Variants in VWA3B observed in about 807,000 individuals in gnomAD.
VWA3B encodes von Willebrand factor A domain containing 3B, also known as von Willebrand factor A domain-containing protein 3B.
VWA3B carries 138 observed loss-of-function variants against 158.3 expected under a neutral mutation model. That is an observed-to-expected ratio of 0.87 (90% CI 0.76 to 1.00). The LOEUF (loss-of-function observed/expected upper bound fraction) is 1.00, where lower values mean the gene tolerates loss of function less well. Ranked by LOEUF, VWA3B falls within the 50% of genes least tolerant of loss-of-function variation. The pLI is 0.00. For missense variants in VWA3B, 1,555 were observed against 1,565.1 expected, an observed-to-expected ratio of 0.99 and a Z score of 0.11; for synonymous variants, 596 against 587.3, an observed-to-expected ratio of 1.01 and a Z score of -0.21.
intron 8 of VWA3B, among the ~76,000 whole-genome samples, chr2:98,178,921 A>G (rs1252557143): frequency 6.6e-6 from 1 of 152,206 alleles, no homozygotes; most frequent in Admixed American, 6.5e-5. Flanking sequence ...TTTCCCTGCC[A>G]GGAACCCCTT....
chr2:98,164,283 AATT>A (rs2105255629), intron 8 of VWA3B, among the ~76,000 whole-genome samples: 1 of 152,290 alleles, frequency 6.6e-6, no homozygotes, highest in South Asian at 2.1e-4. Flanking sequence ...ATTAAAAAGA[AATT>A]ATTAAAATCC....
At chr2:98,091,363 T>A (rs1320924246) in intron 1 of VWA3B, among the ~76,000 whole-genome samples, 1 of 152,202 alleles carries the variant, frequency 6.6e-6, no homozygotes, top group Non-Finnish European at 1.5e-5. Context: ...TGATATGGTA[T>A]GAAGAAGCTG....
intron 2 of VWA3B, 89 bp from the exon 3 acceptor site, chr2:98,115,563 A>G (rs1226319247): frequency 1.2e-5 from 11 of 920,552 alleles, no homozygotes; most frequent in African/African-American, 1.6e-5. Context: ...TATAATTTGA[A>G]TGGTGTCAGA....
intron 10 of VWA3B, among the ~76,000 whole-genome samples, chr2:98,188,666 C>G (rs534024313): frequency 6.6e-6 from 1 of 152,254 alleles, no homozygotes; most frequent in East Asian, 1.9e-4. Flanking sequence ...CTGCGAATGA[C>G]AGAATTTTAT....
intron 2 of VWA3B, among the ~76,000 whole-genome samples, chr2:98,095,387 G>T (rs1682643604): frequency 1.3e-5 from 2 of 151,976 alleles, no homozygotes; most frequent in Non-Finnish European, 2.9e-5. Context: ...GGTAGCTATT[G>T]TAAATGGAAT....
chr2:98,325,357 C>T, the VWA3B span, among the ~76,000 whole-genome samples: 2 of 152,032 alleles, frequency 1.3e-5, no homozygotes, highest in East Asian at 1.9e-4. Flanking sequence ...AAGGCGATGC[C>T]CCTGCAGTGG....
chr2:98,294,203 C>CAAAAAAA (rs751689571), intron 23 of VWA3B, among the ~76,000 whole-genome samples: 18 of 56,270 alleles, frequency 3.2e-4, no homozygotes, highest in African/African-American at 1.0e-3. Context: ...CACACACACA[C>CAAAAAAA]AAAAAAAAAA....
At chr2:98,115,860 C>A in intron 3 of VWA3B, 114 bp downstream of exon 3, 1 of 799,118 alleles carries the variant, frequency 1.3e-6, no homozygotes, top group Non-Finnish European at 2.0e-6. Flanking sequence ...CTGAGCCAAG[C>A]CCTTATTAGG....
rs752326555 is a variant in VWA3B, at chr2:98,270,681, G to A, written c.2844-1G>A. 6.2e-7 allele frequency: 1 copy of A among 1,608,216 alleles called. No individual in the cohort carries two copies. The highest frequency in any genetic ancestry group is 8.5e-7 in the Non-Finnish European group (1 of 1,176,882). On this transcript the variant is annotated splice_acceptor_variant, in intron 21 of 27. Coordinates refer to ENST00000477737, the MANE Select transcript of VWA3B (RefSeq NM_144992.5). LOFTEE classifies it high-confidence loss of function. ...TGTTTGTTTGTTTCTTTGTTTTTTAGGTTAGATGCAAACAAACCAATACAG... is the reference window on the plus strand; with the variant it reads ...TGTTTGTTTGTTTCTTTGTTTTTTAAGTTAGATGCAAACAAACCAATACAG...
At chr2:98,281,339 G>A (rs1325951592) in intron 22 of VWA3B, among the ~76,000 whole-genome samples, 1 of 152,170 alleles carries the variant, frequency 6.6e-6, no homozygotes, top group African/African-American at 2.4e-5. Flanking sequence ...AAGGGGAAAG[G>A]TCAGCACCTG....
At chr2:98,311,684 C>A in intron 26 of VWA3B, 135 bp from the exon 27 acceptor site, 1 of 1,055,694 alleles carries the variant, frequency 9.5e-7, no homozygotes, top group Non-Finnish European at 1.3e-6. Flanking sequence ...GGGTTCACAG[C>A]GCTCCAGAGA....
intron 19 of VWA3B, among the ~76,000 whole-genome samples, chr2:98,239,757 C>CA (rs1440655839): frequency 2.7e-5 from 4 of 150,860 alleles, no homozygotes; most frequent in East Asian, 1.9e-4. Context: ...ACTAAAAATA[C>CA]AAAAAAATTA....
At position 98,270,704 on chromosome 2, in the gene VWA3B, C is replaced by A; in HGVS notation, c.2866C>A (p.Gln956Lys). The change falls in exon 22 of 28, where the codon CAG (glutamine) becomes AAG (lysine). Residue 956 changes from glutamine to lysine, a missense_variant. Coordinates refer to ENST00000477737, the MANE Select transcript of VWA3B (RefSeq NM_144992.5). ...TAGGTTAGATGCAAACAAACCAATA[C>A]AGTACTTGGAAAACAAAACAGTTTT... ...KEKLDANKPI[Q>K]YLENKTVLNQ... 1 of 1,614,058 alleles carries A rather than the reference C, an allele frequency of 6.2e-7. No homozygotes were observed.
At position 98,133,692 on chromosome 2, in the gene VWA3B, A is replaced by C. The variant is rs1212682366; in HGVS notation, c.873-132A>C. ...TGTGGAATTGACAAGGTGCAGGAAGAAGCAGTGACCATGGCTAAGAAGATG... is the reference window on the plus strand; with the variant it reads ...TGTGGAATTGACAAGGTGCAGGAAGCAGCAGTGACCATGGCTAAGAAGATG... On this transcript the variant is annotated intron_variant, in intron 6 of 27. Coordinates refer to ENST00000477737, the MANE Select transcript of VWA3B (RefSeq NM_144992.5). The C allele has an allele frequency of 5.6e-6, 4 of 710,678 alleles. No homozygotes were observed. The Admixed American group carries it at 6.3e-5, about 11-fold the overall frequency. The allele number at this position is 710,678 out of a possible 1,614,324, so 44.0% of individuals were successfully genotyped here.
chr2:98,192,955 C>T lies in VWA3B; in HGVS notation c.1524C>T (p.Cys508=), dbSNP rs1681723585. 6.2e-7 allele frequency: 1 copy of T among 1,614,138 alleles called. No homozygotes were observed. The highest frequency in any genetic ancestry group is 1.7e-4 in the Middle Eastern group (1 of 6,060). Residue 508 remains cysteine (C), a synonymous_variant, in exon 11 of 28, where the codon TGC becomes TGT. Transcript: ENST00000477737. Reference sequence around the variant, plus strand: ...TCTTTGGAAGATTGCATAATGATTGCATCTACATTCTCATTGACACGTCTC... The same window carrying T: ...TCTTTGGAAGATTGCATAATGATTGTATCTACATTCTCATTGACACGTCTC... ...QSLFGRLHND[C]IYILIDTSHS...
intron 12 of VWA3B, among the ~76,000 whole-genome samples, chr2:98,200,113 C>T (rs1682401548): frequency 6.6e-6 from 1 of 152,166 alleles, no homozygotes; most frequent in Non-Finnish European, 1.5e-5. Flanking sequence ...TAACACTCGT[C>T]TTTTCATGCT....
Position 98,311,998 on chromosome 2 carries a change from A to G in VWA3B, c.3701A>G (p.His1234Arg). 1 of 1,603,304 alleles carries G rather than the reference A, an allele frequency of 6.2e-7. No individual in the cohort carries two copies. Among genetic ancestry groups the G allele is most frequent in the Non-Finnish European group, 8.5e-7 (1 of 1,174,858 alleles). The change falls in exon 27 of 28, where the codon CAT (histidine) becomes CGT (arginine). Residue 1234 changes from histidine (H) to arginine (R), a missense_variant. By Grantham distance (29) the His-to-Arg change is conservative. Transcript: ENST00000477737. Reference sequence around the variant, plus strand: ...GGCTCCTCCCACGGCATCAGCTCCCATGGGTCCTGCCAGGGGACACACCCC... The same window carrying G: ...GGCTCCTCCCACGGCATCAGCTCCCGTGGGTCCTGCCAGGGGACACACCCC... ...SDGSSHGISS[H>R]GSCQGTHPEP... is the part of the protein sequence containing the mutation.
chr2:98,157,507 T>G (rs1157272323), intron 7 of VWA3B, among the ~76,000 whole-genome samples: 1 of 152,230 alleles, frequency 6.6e-6, no homozygotes, highest in Non-Finnish European at 1.5e-5. Flanking sequence ...ATTCCCTTTA[T>G]GGATGCAATG....
Position 98,310,131 on chromosome 2 carries a change from C to A in VWA3B, c.3522-1688C>A, listed in dbSNP as rs558004676. Among the ~76,000 whole-genome samples, 28 of 152,306 alleles carry A rather than the reference C, an allele frequency of 1.8e-4. No individual in the cohort carries two copies. In the South Asian group the frequency reaches 5.2e-3, roughly 28 times the overall value. ...CAGTTGCTGAAAGTCTAAGACCCCC[C>A]ACCGGGTCTTCATCAAACATCTGCT... On this transcript the variant is annotated intron_variant, in intron 26 of 27. Transcript: ENST00000477737.
Sources: allele counts gnomAD v4.1 joint callset (sites outside exome capture counted in the v4.1 genomes callset), GRCh38; gene constraint gnomAD v4.1.1; transcripts MANE v1.5; gene names NCBI Gene and HGNC (gene_info 2026-07-23, HGNC 2026-07-21).